VPS36: variants seen among roughly 807,000 people sequenced by gnomAD.
VPS36 encodes the protein vacuolar protein sorting 36 homolog.
VPS36 carries 31 observed loss-of-function variants against 63.5 expected under a neutral mutation model. The ratio of observed to expected loss-of-function variants is 0.49; its 90% CI spans 0.37 to 0.66. The LOEUF (loss-of-function observed/expected upper bound fraction) is 0.66, where lower values mean the gene tolerates loss of function less well. Ranked by LOEUF, VPS36 falls within the 30% of genes least tolerant of loss-of-function variation. The pLI is 0.00. For synonymous variants in VPS36, 138 were observed against 157.2 expected (o/e 0.88, Z 0.91); for missense variants, 338 against 463.7 (o/e 0.73, Z 2.49).
rs1281948055 is a variant in VPS36 at position 52,414,840 on chromosome 13, T to G, written c.*990A>C. ...CAGTCACTTTAAAACCTAAGCAATC[T>G]ACATGCAGTATTAGCCAGTTGTTGT... On this transcript the variant is annotated 3_prime_UTR_variant, in exon 14 of 14. Transcript: ENST00000378060. 1 of 152,208 alleles carries G rather than the reference T, an allele frequency of 6.6e-6. No individual in the cohort carries two copies. 9.4% of individuals were successfully genotyped at this position (152,208 alleles called of 1,614,324 possible).
Position 52,417,079 on chromosome 13 carries a change from A to G in VPS36, c.968T>C (p.Met323Thr). The G allele has an allele frequency of 6.2e-7, 1 of 1,614,038 alleles. No homozygotes were observed. Among genetic ancestry groups the G allele is most frequent in the Non-Finnish European group, 8.5e-7 (1 of 1,179,988 alleles). Reference sequence around the variant, plus strand: ...TACTGTCTCCAGGGCCGAGGCCACCATTTCCTCTTCCTTGTGAGACTGAAG... The same window carrying G: ...TACTGTCTCCAGGGCCGAGGCCACCGTTTCCTCTTCCTTGTGAGACTGAAG... ...IELQSHKEEE[M>T]VASALETVSE... Residue 323 changes from methionine to threonine, a missense_variant, in exon 12 of 14, where the codon ATG becomes ACG. Physicochemically the swap from Met to Thr is moderately conservative, Grantham distance 81. Transcript: ENST00000378060.
intron 1 of VPS36, among the ~76,000 whole-genome samples, chr13:52,444,583 CAT>C (rs529090463): frequency 0.05 from 7,398 of 147,872 alleles, 203 homozygotes; most frequent in South Asian, 0.093. Context: ...TACACACACA[CAT>C]ATATATATGA....
chr13:52,439,133 C>G lies in VPS36; in HGVS notation c.201G>C (p.Val67=). 1 of 1,613,808 alleles carries G rather than the reference C, an allele frequency of 6.2e-7. No homozygotes were observed. The highest frequency in any genetic ancestry group is 1.1e-5 in the South Asian group (1 of 91,038). ...CCMAILLSQI[V]FIEEQAAGIG... is the part of the protein sequence containing the mutation. Reference sequence around the variant, plus strand: ...TTCCAGCCGCCTGTTCTTCAATGAACACAATTTGGGAAAGGAGAATGGCCA... The same window carrying G: ...TTCCAGCCGCCTGTTCTTCAATGAAGACAATTTGGGAAAGGAGAATGGCCA... Residue 67 remains valine (V), a synonymous_variant, in exon 3 of 14, where the codon GTG becomes GTC. Coordinates refer to ENST00000378060, the MANE Select transcript of VPS36 (RefSeq NM_016075.4).
At position 52,423,651 on chromosome 13, in the gene VPS36, T is replaced by C; in HGVS notation, c.775-12A>G. On this transcript the variant is annotated splice_polypyrimidine_tract_variant and intron_variant, in intron 9 of 13. Transcript: ENST00000378060. ...ATTCCCCCTCGTTCCTGTTCAAATA[T>C]GAAATTTTTAAAAAAGTATTATGTT... The C allele has an allele frequency of 6.2e-7, 1 of 1,606,642 alleles. No homozygotes were observed. Among genetic ancestry groups the C allele is most frequent in the South Asian group, 1.1e-5 (1 of 90,208 alleles).
rs142696882 is a variant in VPS36 at position 52,420,020 on chromosome 13, C to T, written c.841-1964G>A. On this transcript the variant is annotated intron_variant, in intron 10 of 13. Coordinates refer to ENST00000378060, the MANE Select transcript of VPS36 (RefSeq NM_016075.4). The stretch of plus-strand genomic sequence containing the variant: ...CTTTGGGAGGCCAAGGGGGGTGGAT[C>T]ACCTGAAGGCAGGAGTTCAAGACCA... 4.5e-3 allele frequency among the ~76,000 whole-genome samples: 678 copies of T among 152,210 alleles called. 5 individuals are homozygous for T. Among genetic ancestry groups the T allele is most frequent in the African/African-American group, 0.015 (641 of 41,540 alleles).
intron 1 of VPS36, among the ~76,000 whole-genome samples, chr13:52,445,396 T>C (rs1393143874): frequency 2.6e-5 from 4 of 152,020 alleles, no homozygotes; most frequent in African/African-American, 9.7e-5. Flanking sequence ...TCCCAGCACT[T>C]TGGGAGGCCG....
intron 1 of VPS36, among the ~76,000 whole-genome samples, chr13:52,442,802 A>C (rs1958294612): frequency 6.6e-6 from 1 of 152,204 alleles, no homozygotes; most frequent in African/African-American, 2.4e-5. Context: ...ATAATATTAC[A>C]TATGCAGTAT....
chr13:52,426,820 A>C (rs2137783973), intron 8 of VPS36, among the ~76,000 whole-genome samples, 169 bp downstream of exon 8: 1 of 152,272 alleles, frequency 6.6e-6, no homozygotes, highest in African/African-American at 2.4e-5. Flanking sequence ...GTGCCACTGC[A>C]CTCCAGCCTG....
rs183003235 is a variant in VPS36, at chr13:52,437,702, G to A, written c.237-1298C>T. ...TCCCAGCACTTTGGGAGGCTGAGGC[G>A]GGTGGATCATGAGGTCAGGAGATCA... On this transcript the variant is annotated intron_variant, in intron 3 of 13. Coordinates refer to ENST00000378060, the MANE Select transcript of VPS36 (RefSeq NM_016075.4). Among the ~76,000 whole-genome samples the A allele has an allele frequency of 2.0e-3, 308 of 152,150 alleles. 2 individuals are homozygous for A. The highest frequency in any genetic ancestry group is 6.7e-3 in the African/African-American group (279 of 41,532).
chr13:52,440,804 A>C (rs1026265895), intron 2 of VPS36, among the ~76,000 whole-genome samples: 2 of 152,192 alleles, frequency 1.3e-5, no homozygotes, highest in Non-Finnish European at 2.9e-5. Context: ...AGGATTAGAC[A>C]ATATTAACAG....
At chr13:52,447,875 AAGCACAGG>A (rs1038229539) in intron 1 of VPS36, among the ~76,000 whole-genome samples, 3 of 151,996 alleles carry the variant, frequency 2.0e-5, no homozygotes, top group Admixed American at 2.0e-4. Context: ...TCCATGAACA[AAGCACAGG>A]CTTTGAGTCT....
chr13:52,420,965 A>G (rs1421762775), intron 10 of VPS36, among the ~76,000 whole-genome samples: 1 of 152,170 alleles, frequency 6.6e-6, no homozygotes, highest in Non-Finnish European at 1.5e-5. Context: ...TACTAAAAGT[A>G]TGAAAATTCT....
intron 6 of VPS36, among the ~76,000 whole-genome samples, chr13:52,429,661 G>A (rs911741191): frequency 6.6e-6 from 1 of 152,146 alleles, no homozygotes; most frequent in South Asian, 2.1e-4. Context: ...TTAATGGTCC[G>A]TATGGTGAGC....
chr13:52,419,258 G>C (rs1958022714), intron 10 of VPS36, among the ~76,000 whole-genome samples: 1 of 152,220 alleles, frequency 6.6e-6, no homozygotes, highest in Non-Finnish European at 1.5e-5. Context: ...TGTGAAGGAG[G>C]AAGAACAGCT....
chr13:52,436,372 G>A lies in VPS36; in HGVS notation c.269C>T (p.Pro90Leu). ...AKIVVHLHPA[P>L]PNKEPGPFQS... Reference sequence around the variant, plus strand: ...GAATGGGCCAGGTTCTTTGTTAGGAGGAGCTGGGTGAAGATGAACCACTAT... The same window carrying A: ...GAATGGGCCAGGTTCTTTGTTAGGAAGAGCTGGGTGAAGATGAACCACTAT... The change falls in exon 4 of 14, where the codon CCT becomes CTT. Residue 90 changes from proline to leucine, a missense_variant. Pro to Leu is a moderately conservative substitution (Grantham distance 98, BLOSUM62 -3). Coordinates refer to ENST00000378060, the MANE Select transcript of VPS36 (RefSeq NM_016075.4). 1 of 1,613,004 alleles carries A rather than the reference G, an allele frequency of 6.2e-7. No homozygotes were observed. Among genetic ancestry groups the A allele is most frequent in the Non-Finnish European group, 8.5e-7 (1 of 1,179,588 alleles).
intron 1 of VPS36, among the ~76,000 whole-genome samples, chr13:52,449,045 T>C (rs1234497623): frequency 6.6e-6 from 1 of 152,166 alleles, no homozygotes; most frequent in Non-Finnish European, 1.5e-5. Flanking sequence ...TCAAGATAGT[T>C]AAAGTGCCAA....
At chr13:52,446,674 G>A (rs1329540663) in intron 1 of VPS36, among the ~76,000 whole-genome samples, 3 of 151,234 alleles carry the variant, frequency 2.0e-5, no homozygotes, top group East Asian at 1.9e-4. Flanking sequence ...TGAAAATCTC[G>A]AAAATATTTA....
intron 1 of VPS36, among the ~76,000 whole-genome samples, chr13:52,449,025 C>T (rs1248044739): frequency 1.3e-5 from 2 of 152,198 alleles, no homozygotes; most frequent in Non-Finnish European, 2.9e-5. Context: ...ATGGAAGACT[C>T]ATCTTGAGAT....
rs1456707318 is a variant in VPS36 at position 52,415,798 on chromosome 13, TATGGAC to T, written c.*26_*31del. ...ATACAACCTCTACATGACGCAAGCATATGGACAAAAAGGATTTTAAATACAAAACCC... is the reference window on the plus strand; with the variant it reads ...ATACAACCTCTACATGACGCAAGCATAAAAAGGATTTTAAATACAAAACCC... On this transcript the variant is annotated 3_prime_UTR_variant, in exon 14 of 14. Coordinates refer to ENST00000378060, the MANE Select transcript of VPS36 (RefSeq NM_016075.4). 1 of 1,603,044 alleles carries T rather than the reference TATGGAC, an allele frequency of 6.2e-7. No homozygotes were observed. Among genetic ancestry groups the T allele is most frequent in the Non-Finnish European group, 8.5e-7 (1 of 1,171,708 alleles).
Sources: allele counts gnomAD v4.1 joint callset (sites outside exome capture counted in the v4.1 genomes callset), GRCh38; gene constraint gnomAD v4.1.1; transcripts MANE v1.5; gene names NCBI Gene and HGNC (gene_info 2026-07-23, HGNC 2026-07-21).